Variants in HNRNPR observed in about 807,000 individuals in gnomAD.
HNRNPR encodes heterogeneous nuclear ribonucleoprotein R.
In HNRNPR, 4 loss-of-function variants were observed where a neutral mutation model predicts 70.3. The ratio of observed to expected loss-of-function variants is 0.06; its 90% confidence interval spans 0.03 to 0.13. HNRNPR has a LOEUF of 0.13. Ranked by LOEUF, HNRNPR falls within the 10% of genes least tolerant of loss-of-function variation. The probability of loss-of-function intolerance (pLI) is 1.00; values close to 1 mark genes in which losing one functional copy is unlikely to be tolerated. For synonymous variants in HNRNPR, 241 were observed against 267.6 expected, an observed-to-expected ratio of 0.90 and a Z score of 0.97; for missense variants, 423 against 788.5, an observed-to-expected ratio of 0.54 and a Z score of 5.55.
intron 4 of HNRNPR, among the ~76,000 whole-genome samples, chr1:23,335,564 T>C (rs918881063): frequency 1.3e-5 from 2 of 152,184 alleles, no homozygotes; most frequent in South Asian, 2.1e-4. Flanking sequence ...GCAGCCGCAT[T>C]AGGTTCTCAC....
Position 23,342,982 on chromosome 1 carries a change from T to C in HNRNPR, c.-10+1229A>G, listed in dbSNP as rs1646761201. ...ACAAAAAAACCGTAAAATAATTAGA[T>C]TCCAGAAAATAAAACCTTCGGATCA... On this transcript the variant is annotated intron_variant, in intron 1 of 10. Transcript: ENST00000302271. Among the ~76,000 whole-genome samples, 2 of 152,180 alleles carry C rather than the reference T, an allele frequency of 1.3e-5. 1 individual carries two copies. The highest frequency in any genetic ancestry group is 3.8e-4 in the East Asian group (2 of 5,200).
chr1:23,331,405 TA>T (rs59528152), intron 5 of HNRNPR, among the ~76,000 whole-genome samples: 24,632 of 127,158 alleles, frequency 0.19, 2,605 homozygotes, highest in Admixed American at 0.37. Flanking sequence ...CACAAAAAAT[TA>T]AAAAAAAAAA....
chr1:23,314,805 T>C (rs891342864), intron 8 of HNRNPR, among the ~76,000 whole-genome samples: 9 of 152,186 alleles, frequency 5.9e-5, no homozygotes, highest in African/African-American at 1.9e-4. Context: ...TACAGATATA[T>C]CTACCCTTTG....
At chr1:23,321,475 A>T in intron 7 of HNRNPR, 53 bp downstream of exon 7, 1 of 1,497,646 alleles carries the variant, frequency 6.7e-7, no homozygotes, top group Non-Finnish European at 9.2e-7. Context: ...GAGCACTTGT[A>T]AGTAGTACAA....
intron 8 of HNRNPR, among the ~76,000 whole-genome samples, chr1:23,316,220 G>A (rs1032851535): frequency 3.9e-5 from 6 of 152,150 alleles, no homozygotes; most frequent in South Asian, 2.1e-4. Context: ...CAGGAGGGAC[G>A]CTTAAGCCCA....
At chr1:23,311,156 C>T (rs774375902) in intron 10 of HNRNPR, 45 bp downstream of exon 10, 96 of 1,611,622 alleles carry the variant, frequency 6.0e-5, no homozygotes, top group Non-Finnish European at 7.5e-5. Flanking sequence ...TCCATTATCA[C>T]GTTATTCCTT....
chr1:23,311,357 A>T (rs1645330240), intron 9 of HNRNPR, 35 bp from the exon 10 acceptor site: 2 of 1,355,330 alleles, frequency 1.5e-6, no homozygotes, highest in Non-Finnish European at 2.1e-6. Flanking sequence ...TTACAACGAT[A>T]TAAAACTGTA....
Position 23,323,305 on chromosome 1 carries a change from A to G in HNRNPR, c.675+251T>C, listed in dbSNP as rs116907204. Reference sequence around the variant, plus strand: ...GCCAAATACTCATATGAAACTTCTGATATCAATCTAATAGATAACTTCTTA... The same window carrying G: ...GCCAAATACTCATATGAAACTTCTGGTATCAATCTAATAGATAACTTCTTA... On this transcript the variant is annotated intron_variant, in intron 6 of 10. Coordinates refer to ENST00000302271, the MANE Select transcript of HNRNPR (RefSeq NM_005826.5). Among the ~76,000 whole-genome samples, 116 of 152,276 alleles carry G rather than the reference A, an allele frequency of 7.6e-4. 1 individual carries two copies. The East Asian group carries it at 0.019, about 25-fold the overall frequency.
intron 4 of HNRNPR, 146 bp downstream of exon 4, chr1:23,337,608 G>C: frequency 1.8e-6 from 1 of 566,246 alleles, no homozygotes; most frequent in South Asian, 2.2e-5. Context: ...AGTGATCCAA[G>C]ACTGCGCCGC....
chr1:23,316,128 T>C (rs1645534894), intron 8 of HNRNPR, among the ~76,000 whole-genome samples: 1 of 152,190 alleles, frequency 6.6e-6, no homozygotes, highest in African/African-American at 2.4e-5. Flanking sequence ...ACAGAAGCTT[T>C]ACTCAAATGG....
At chr1:23,341,039 C>A in intron 1 of HNRNPR, 22 bp from the exon 2 acceptor site, 1 of 1,591,658 alleles carries the variant, frequency 6.3e-7, no homozygotes, top group Non-Finnish European at 8.6e-7. Context: ...AATTCAGGAG[C>A]TATATTACAT....
chr1:23,313,023 A>T (rs1645394794), intron 9 of HNRNPR, among the ~76,000 whole-genome samples: 1 of 152,212 alleles, frequency 6.6e-6, no homozygotes, highest in Non-Finnish European at 1.5e-5. Flanking sequence ...GACTAAATCA[A>T]CTATTATACA....
chr1:23,323,795 A>G (rs1261022331), intron 5 of HNRNPR, 63 bp from the exon 6 acceptor site: 2 of 1,386,710 alleles, frequency 1.4e-6, no homozygotes, highest in Non-Finnish European at 2.0e-6. Context: ...CATAAAGCCT[A>G]CTGCCTTTTT....
rs894417843 is a variant in HNRNPR at position 23,306,628 on chromosome 1, T to C, written c.*3826A>G. 1 of 151,862 alleles carries C rather than the reference T, an allele frequency of 6.6e-6. No individual in the cohort carries two copies. 9.4% of individuals were successfully genotyped at this position (151,862 alleles called of 1,614,324 possible). A position where few individuals can be genotyped will look rare whatever the true frequency, so the allele number is the denominator to read the frequency against. On this transcript the variant is annotated 3_prime_UTR_variant, in exon 11 of 11. Transcript: ENST00000302271. The stretch of plus-strand genomic sequence containing the variant: ...AACAAAACAAAACAAAACCAGAGCT[T>C]CTGGTAACCTCTAAATAAAAAAGTA...
chr1:23,333,401 C>G (rs546222163), intron 5 of HNRNPR, 117 bp downstream of exon 5: 383 of 596,592 alleles, frequency 6.4e-4, no homozygotes, highest in Non-Finnish European at 1.0e-3. Flanking sequence ...TAAAAACTAA[C>G]AACAGCTACA....
intron 4 of HNRNPR, among the ~76,000 whole-genome samples, chr1:23,336,617 GC>G (rs1400317144): frequency 2.0e-5 from 3 of 147,788 alleles, no homozygotes; most frequent in African/African-American, 7.5e-5. Flanking sequence ...GGATGTGGTG[GC>G]GCACGCCTGT....
chr1:23,328,236 G>T (rs1646074667), intron 5 of HNRNPR, among the ~76,000 whole-genome samples: 1 of 152,158 alleles, frequency 6.6e-6, no homozygotes, highest in Non-Finnish European at 1.5e-5. Context: ...GAAGCCATCA[G>T]AGAGTTTAGA....
intron 9 of HNRNPR, among the ~76,000 whole-genome samples, chr1:23,312,463 A>C (rs1323855203): frequency 1.7e-4 from 26 of 152,224 alleles, no homozygotes; most frequent in Admixed American, 1.7e-3. Context: ...GCATAAAATT[A>C]TTAGTTATCT....
intron 1 of HNRNPR, among the ~76,000 whole-genome samples, chr1:23,343,408 C>T (rs1646778049): frequency 6.6e-6 from 1 of 152,162 alleles, no homozygotes; most frequent in African/African-American, 2.4e-5. Flanking sequence ...GACATCAATT[C>T]AGCCACTTGA....
Sources: gnomAD v4.1 joint callset for allele counts (sites outside exome capture counted in the v4.1 genomes callset) on GRCh38, gnomAD v4.1.1 for gene constraint, MANE v1.5 for transcripts, NCBI Gene and HGNC (gene_info 2026-07-23, HGNC 2026-07-21) for gene names.